Variants in IQSEC3 observed in about 807,000 individuals in gnomAD.
IQSEC3 encodes the protein IQ motif and SEC7 domain-containing protein 3.
A neutral mutation model predicts 105.4 loss-of-function variants in IQSEC3; 50 were observed. That is an observed-to-expected ratio of 0.47 (90% CI 0.38 to 0.60). The LOEUF (loss-of-function observed/expected upper bound fraction) is 0.60, where lower values mean the gene tolerates loss of function less well. Ranked by LOEUF, IQSEC3 falls within the 20% of genes least tolerant of loss-of-function variation. The pLI is 0.00. For missense variants in IQSEC3, 1,415 were observed against 1,630.0 expected (o/e 0.87, Z 2.27); for synonymous variants, 708 against 746.0 (o/e 0.95, Z 0.83).
At chr12:165,313 T>C (rs1307702172) in intron 9 of IQSEC3, 121 bp from the exon 10 acceptor site, 14 of 746,684 alleles carry the variant, frequency 1.9e-5, no homozygotes, top group Non-Finnish European at 3.1e-5. Flanking sequence ...TATCTGTACC[T>C]GTATGTGCAC....
chr12:165,964 C>T, intron 11 of IQSEC3, 74 bp downstream of exon 11: 1 of 1,537,202 alleles, frequency 6.5e-7, no homozygotes, highest in Non-Finnish European at 8.8e-7. Context: ...TTGAGACAGA[C>T]ATGCCTGACT....
chr12:154,242 T>A (rs1359336850), intron 5 of IQSEC3, among the ~76,000 whole-genome samples: 1 of 152,216 alleles, frequency 6.6e-6, no homozygotes, highest in Non-Finnish European at 1.5e-5. Context: ...CGGCTGCTTG[T>A]CACCTGAGTG....
rs1555098325 is a variant in IQSEC3 at position 165,923 on chromosome 12, G to A, written c.2971+33G>A. 2.5e-6 allele frequency: 4 copies of A among 1,604,582 alleles called. No individual in the cohort carries two copies. The African/African-American group carries it at 5.4e-5, about 21-fold the overall frequency. ...CACGGGCTCCCGAGGCAGCTGGTGG[G>A]GGTTCCCATTCAGCAAGGGACAGGG... On this transcript the variant is annotated intron_variant, in intron 11 of 13. Coordinates refer to ENST00000538872, the MANE Select transcript of IQSEC3 (RefSeq NM_001170738.2).
intron 5 of IQSEC3, among the ~76,000 whole-genome samples, chr12:142,854 C>A (rs1283983519): frequency 1.3e-5 from 2 of 152,206 alleles, no homozygotes; most frequent in Non-Finnish European, 2.9e-5. Flanking sequence ...GGCTTTCCTG[C>A]ACTGTTGTCC....
rs1555083359 is a variant in IQSEC3, at chr12:125,973, T to C, written c.903+61T>C. ...TGAAGGGGCCCTGCTTTGGGGGCTG[T>C]CGAGGGTACCAGGGATATCCCCGCT... On this transcript the variant is annotated intron_variant, in intron 3 of 13. Coordinates refer to ENST00000538872, the MANE Select transcript of IQSEC3 (RefSeq NM_001170738.2). 3.4e-6 allele frequency: 5 copies of C among 1,480,984 alleles called. No individual in the cohort carries two copies. The East Asian group carries it at 7.4e-5, about 22-fold the overall frequency. 91.7% of individuals were successfully genotyped at this position (1,480,984 alleles called of 1,614,324 possible).
At chr12:87,966 C>T (rs1362701532) in intron 1 of IQSEC3, among the ~76,000 whole-genome samples, 11 of 152,260 alleles carry the variant, frequency 7.2e-5, no homozygotes, top group African/African-American at 2.2e-4. Context: ...GAAGGATTCC[C>T]GCAGGCTTCA....
rs1565458036 is a variant in IQSEC3, at chr12:177,150, C to T, written c.*2117C>T. The T allele has an allele frequency of 6.8e-6, 1 of 147,494 alleles. No homozygotes were observed. Among genetic ancestry groups the T allele is most frequent in the Non-Finnish European group, 1.5e-5 (1 of 66,700 alleles). The allele number at this position is 147,494 out of a possible 1,614,324, so 9.1% of individuals were successfully genotyped here. ...GCCAGGCAGGACCCCGTCCCCTGCTCACACAGCTCTTCAAACTTACCAAGG... is the reference window on the plus strand; with the variant it reads ...GCCAGGCAGGACCCCGTCCCCTGCTTACACAGCTCTTCAAACTTACCAAGG... On this transcript the variant is annotated 3_prime_UTR_variant, in exon 14 of 14. Transcript: ENST00000538872. The surrounding 1 kb of genome is among the most constrained non-coding windows in gnomAD (Gnocchi z 5.3).
intron 2 of IQSEC3, among the ~76,000 whole-genome samples, chr12:105,899 G>A (rs1475357832): frequency 2.6e-5 from 4 of 152,208 alleles, no homozygotes; most frequent in African/African-American, 4.8e-5. Context: ...CTAGGCTGTC[G>A]CCAGAGGGTG....
At chr12:133,230 C>T (rs1865654986) in intron 3 of IQSEC3, among the ~76,000 whole-genome samples, 3 of 152,232 alleles carry the variant, frequency 2.0e-5, no homozygotes, top group African/African-American at 7.2e-5. Context: ...TCACGGGCTC[C>T]TCTGATGATG....
intron 2 of IQSEC3, among the ~76,000 whole-genome samples, chr12:102,961 G>T (rs781862373): frequency 1.3e-5 from 2 of 152,146 alleles, no homozygotes; most frequent in Non-Finnish European, 2.9e-5. Context: ...TGTCTGCCAG[G>T]GTAGTTAGGC....
intron 7 of IQSEC3, among the ~76,000 whole-genome samples, chr12:160,070 T>G (rs1866831213): frequency 6.6e-6 from 1 of 152,216 alleles, no homozygotes; most frequent in African/African-American, 2.4e-5. Context: ...TTATTCTTGC[T>G]TTGTAGATGC....
At chr12:102,664 T>C (rs1864465018) in intron 2 of IQSEC3, among the ~76,000 whole-genome samples, 1 of 152,314 alleles carries the variant, frequency 6.6e-6, no homozygotes, top group Non-Finnish European at 1.5e-5. Context: ...CCCAGCCACC[T>C]GCAGAGGAGC....
At chr12:155,990 C>T (rs1007698164) in intron 5 of IQSEC3, among the ~76,000 whole-genome samples, 4 of 152,218 alleles carry the variant, frequency 2.6e-5, no homozygotes, top group African/African-American at 9.6e-5. Context: ...CAGGCCTGGA[C>T]TCCTGCCTTG....
intron 12 of IQSEC3, 63 bp from the exon 13 acceptor site, chr12:171,047 CAG>C (rs2137070074): frequency 3.8e-6 from 6 of 1,593,758 alleles, no homozygotes; most frequent in East Asian, 2.2e-5. Context: ...TTGAGGGGCA[CAG>C]GGGAGGGGCA....
intron 1 of IQSEC3, among the ~76,000 whole-genome samples, chr12:76,037 T>C (rs1485143534): frequency 1.3e-5 from 2 of 152,152 alleles, no homozygotes; most frequent in Non-Finnish European, 2.9e-5. Context: ...GACCACTCTG[T>C]CAGCCCAGGA....
Position 67,286 on chromosome 12 carries a change from C to A in IQSEC3, c.404C>A (p.Pro135His). 1 of 1,597,966 alleles carries A rather than the reference C, an allele frequency of 6.3e-7. No individual in the cohort carries two copies. Among genetic ancestry groups the A allele is most frequent in the Non-Finnish European group, 8.5e-7 (1 of 1,179,482 alleles). Residue 135 changes from proline (P) to histidine (H), a missense_variant, in exon 1 of 14, where the codon CCC becomes CAC. Physicochemically the swap from Pro to His is moderately conservative, Grantham distance 77 (BLOSUM62 -2). Around this residue, in one of 6 missense-constraint regions of IQSEC3, gnomAD observed 26 missense variants for 108.1 expected, o/e 0.24. Coordinates refer to ENST00000538872, the MANE Select transcript of IQSEC3 (RefSeq NM_001170738.2). The part of the protein sequence containing the change: ...QRGPGSRAHT[P>H]QSPHKHLGTQ... Reference sequence around the variant, plus strand: ...GGCCCTGGCAGCAGGGCTCACACACCCCAGTCGCCCCACAAGCATCTGGGG... The same window carrying A: ...GGCCCTGGCAGCAGGGCTCACACACACCAGTCGCCCCACAAGCATCTGGGG...
chr12:116,713 A>C (rs766257209), intron 2 of IQSEC3, among the ~76,000 whole-genome samples: 84 of 152,230 alleles, frequency 5.5e-4, no homozygotes, highest in Non-Finnish European at 9.3e-4. Flanking sequence ...GATCTGCAAG[A>C]CCCTGACTGC....
intron 1 of IQSEC3, among the ~76,000 whole-genome samples, chr12:90,183 T>G (rs1219873936): frequency 6.6e-6 from 1 of 152,246 alleles, no homozygotes; most frequent in Non-Finnish European, 1.5e-5. Context: ...GTTGAAGATC[T>G]TGTCGTGTGC....
intron 2 of IQSEC3, among the ~76,000 whole-genome samples, chr12:122,138 G>T (rs1253698233): frequency 6.6e-6 from 1 of 152,168 alleles, no homozygotes; most frequent in Non-Finnish European, 1.5e-5. Context: ...GTATACCTGA[G>T]AGGGCCCCAG....
Sources: gnomAD v4.1 joint callset for allele counts (sites outside exome capture counted in the v4.1 genomes callset) on GRCh38, gnomAD v4.1.1 for gene constraint, gnomAD v4.1.1 regional missense constraint, Gnocchi (gnomAD v3.1) non-coding constraint, MANE v1.5 for transcripts, NCBI Gene and HGNC (gene_info 2026-07-23, HGNC 2026-07-21) for gene names.